PHF14: variants seen among roughly 807,000 people sequenced by gnomAD.
The protein encoded by PHF14 is PHD finger protein 14.
A neutral mutation model predicts 117.9 loss-of-function variants in PHF14; 55 were observed. The ratio of observed to expected loss-of-function variants is 0.47; its 90% CI spans 0.38 to 0.58. The LOEUF (loss-of-function observed/expected upper bound fraction) is 0.58. Ranked by LOEUF, PHF14 falls within the 20% of genes least tolerant of loss-of-function variation. The pLI is 0.00. For synonymous variants in PHF14, 409 were observed against 368.6 expected, an observed-to-expected ratio of 1.11 and a Z score of -1.26; for missense variants, 978 against 1,122.2, an observed-to-expected ratio of 0.87 and a Z score of 1.84.
intron 17 of PHF14, among the ~76,000 whole-genome samples, chr7:11,122,398 C>CA (rs1554275333): frequency 4.0e-4 from 49 of 123,536 alleles, no homozygotes; most frequent in Admixed American, 1.2e-3. Context: ...CATACACACA[C>CA]ATATATATAT....
intron 5 of PHF14, among the ~76,000 whole-genome samples, chr7:11,022,470 A>C (rs1273373450): frequency 6.6e-6 from 1 of 152,198 alleles, no homozygotes; most frequent in Non-Finnish European, 1.5e-5. Context: ...TAGTATCCTT[A>C]ATTCTCAAAG....
At chr7:11,122,390 T>TAC (rs1203487144) in intron 17 of PHF14, among the ~76,000 whole-genome samples, 1 of 91,298 alleles carries the variant, frequency 1.1e-5, no homozygotes. Flanking sequence ...CACACATACA[T>TAC]ACACACACAT....
intron 16 of PHF14, among the ~76,000 whole-genome samples, chr7:11,097,930 T>C (rs1046109830): frequency 6.6e-6 from 1 of 152,132 alleles, no homozygotes; most frequent in Non-Finnish European, 1.5e-5. Flanking sequence ...AAGGGGTGTG[T>C]GTATGTGTGT....
intron 3 of PHF14, among the ~76,000 whole-genome samples, chr7:10,987,971 C>T (rs1490395272): frequency 1.4e-5 from 2 of 145,660 alleles, no homozygotes; most frequent in East Asian, 4.0e-4. Context: ...AGCCGAGATC[C>T]CACCATTGCA....
At chr7:10,985,699 C>G (rs1782201000) in intron 3 of PHF14, among the ~76,000 whole-genome samples, 1 of 111,200 alleles carries the variant, frequency 9.0e-6, no homozygotes, top group African/African-American at 3.5e-5. Context: ...GTTGCCTAGG[C>G]TGGAGTACAG....
At chr7:10,999,418 A>G (rs765082007) in intron 4 of PHF14, among the ~76,000 whole-genome samples, 1 of 152,196 alleles carries the variant, frequency 6.6e-6, no homozygotes, top group Non-Finnish European at 1.5e-5. Context: ...TCTCACATCT[A>G]TAATAGTAAA....
At chr7:10,981,965 T>C (rs561268058) in intron 2 of PHF14, among the ~76,000 whole-genome samples, 76 of 152,326 alleles carry the variant, frequency 5.0e-4, no homozygotes, top group Non-Finnish European at 9.4e-4. Flanking sequence ...ATATAGTTTA[T>C]AAAAGATGTT....
At chr7:11,031,208 A>G (rs1174340796) in intron 7 of PHF14, among the ~76,000 whole-genome samples, 3 of 152,028 alleles carry the variant, frequency 2.0e-5, no homozygotes, top group Non-Finnish European at 4.4e-5. Flanking sequence ...AAAAAGGTTG[A>G]AAAATAGAAT....
At chr7:11,148,638 G>C (rs1233275303) in intron 17 of PHF14, among the ~76,000 whole-genome samples, 1 of 152,038 alleles carries the variant, frequency 6.6e-6, no homozygotes, top group Non-Finnish European at 1.5e-5. Flanking sequence ...AAGGCCATGA[G>C]GACGATACGC....
rs1488915181 is a variant in PHF14, at chr7:11,001,439, T to G, written c.1045+10592T>G. Among the ~76,000 whole-genome samples the G allele has an allele frequency of 2.0e-5, 3 of 152,206 alleles. No individual in the cohort carries two copies. The East Asian group carries it at 5.8e-4, about 29-fold the overall frequency. On this transcript the variant is annotated intron_variant, in intron 4 of 17. Transcript: ENST00000634607. ...TTGCAGTATCTACAAAATTACATCCTGGAATTTTGATTGGGATTTTATTGA... is the reference window on the plus strand; with the variant it reads ...TTGCAGTATCTACAAAATTACATCCGGGAATTTTGATTGGGATTTTATTGA...
At chr7:10,986,776 A>T (rs916287753) in intron 3 of PHF14, among the ~76,000 whole-genome samples, 11 of 152,192 alleles carry the variant, frequency 7.2e-5, no homozygotes, top group African/African-American at 2.7e-4. Context: ...CTATTTTCAG[A>T]AATGGTTCCC....
chr7:11,119,957 A>G (rs778926279), intron 17 of PHF14, among the ~76,000 whole-genome samples: 13 of 151,974 alleles, frequency 8.6e-5, no homozygotes, highest in Non-Finnish European at 1.6e-4. Context: ...GCATTATGCC[A>G]TGTTAATTGC....
chr7:11,092,819 G>A (rs1380086422), intron 16 of PHF14, among the ~76,000 whole-genome samples: 1 of 152,118 alleles, frequency 6.6e-6, no homozygotes, highest in Non-Finnish European at 1.5e-5. Context: ...GGCCAAAATG[G>A]TATTATAAAA....
chr7:11,077,856 A>G (rs558312705), intron 16 of PHF14, among the ~76,000 whole-genome samples: 24 of 152,318 alleles, frequency 1.6e-4, no homozygotes, highest in African/African-American at 5.3e-4. Flanking sequence ...AACATTATCT[A>G]TCTCAGAATC....
intron 16 of PHF14, among the ~76,000 whole-genome samples, chr7:11,080,551 C>A (rs1786058475): frequency 6.6e-6 from 1 of 152,094 alleles, no homozygotes; most frequent in Non-Finnish European, 1.5e-5. Context: ...AGATTAGATT[C>A]AGTTTTTAAA....
At position 11,025,794 on chromosome 7, in the gene PHF14, CAAAA is replaced by C. The variant is rs200869700; in HGVS notation, c.1317+2821_1317+2824del. The stretch of plus-strand genomic sequence containing the variant: ...TAGGTGACAGAGCGAGACTCCGTCT[CAAAA>C]AAAAAGAAAAAGAAAAAGAAAGAAA... On this transcript the variant is annotated intron_variant, in intron 6 of 17. Transcript: ENST00000634607. 6.1e-5 allele frequency among the ~76,000 whole-genome samples: 9 copies of C among 146,892 alleles called. No homozygotes were observed. In the East Asian group the frequency reaches 1.8e-3, roughly 30 times the overall value.
intron 16 of PHF14, 60 bp downstream of exon 16, chr7:11,062,145 TCAC>T: frequency 7.0e-7 from 1 of 1,428,596 alleles, no homozygotes; most frequent in Non-Finnish European, 9.5e-7. Flanking sequence ...TATTTTCTCA[TCAC>T]AGAAAAAATG....
intron 4 of PHF14, among the ~76,000 whole-genome samples, chr7:11,012,946 A>T (rs1170550921): frequency 1.3e-5 from 2 of 152,164 alleles, no homozygotes; most frequent in African/African-American, 4.8e-5. Context: ...CTTTAGGTGC[A>T]TAACTTTGCT....
intron 17 of PHF14, among the ~76,000 whole-genome samples, chr7:11,122,703 C>G (rs11560245): frequency 0.49 from 73,709 of 151,702 alleles, 18,627 homozygotes; most frequent in East Asian, 0.84. Context: ...CACGTTTCTC[C>G]TTGGCAAAAT....
Sources: gnomAD v4.1 joint callset for allele counts (sites outside exome capture counted in the v4.1 genomes callset) on GRCh38, gnomAD v4.1.1 for gene constraint, MANE v1.5 for transcripts, NCBI Gene and HGNC (gene_info 2026-07-23, HGNC 2026-07-21) for gene names.